The following MEF2C variants were observed in gnomAD, a reference collection of about 807,000 sequenced individuals.
MEF2C encodes the protein myocyte enhancer factor 2C, also known as myocyte-specific enhancer factor 2C.
MEF2C carries 6 observed loss-of-function variants against 50.5 expected under a neutral mutation model. The ratio of observed to expected loss-of-function variants is 0.12; its 90% CI spans 0.07 to 0.23. The LOEUF (loss-of-function observed/expected upper bound fraction) is 0.23. MEF2C is among the 10% of genes least tolerant of loss of function. The probability of loss-of-function intolerance (pLI) is 1.00; values close to 1 mark genes in which losing one functional copy is unlikely to be tolerated. For synonymous variants in MEF2C, 183 were observed against 228.0 expected (o/e 0.80, Z 1.78); for missense variants, 276 against 605.0 (o/e 0.46, Z 5.70).
rs1458846697 is a variant in MEF2C, at chr5:88,747,523, G to T, written c.637+1547C>A. Among the ~76,000 whole-genome samples the T allele has an allele frequency of 5.9e-5, 4 of 67,906 alleles. 2 individuals are homozygous for T. 44.5% of individuals were successfully genotyped at this position (67,906 alleles called of 152,430 possible). A position where few individuals can be genotyped will look rare whatever the true frequency, so the allele number is the denominator to read the frequency against. The stretch of plus-strand genomic sequence containing the variant: ...GCCACTACGCCCGGCTAATTTTTTT[G>T]TATTTTTAGTAGAGACGGGGTTTCA... On this transcript the variant is annotated intron_variant, in intron 6 of 10. Coordinates refer to ENST00000504921, the MANE Select transcript of MEF2C (RefSeq NM_002397.5).
At chr5:88,750,534 T>C (rs913718027) in intron 5 of MEF2C, among the ~76,000 whole-genome samples, 2 of 152,128 alleles carry the variant, frequency 1.3e-5, no homozygotes, top group Non-Finnish European at 2.9e-5. Flanking sequence ...CAAATGTTTA[T>C]TATTTCCAAT....
chr5:88,734,592 T>TGGA, intron 6 of MEF2C: 2 of 961,530 alleles, frequency 2.1e-6, no homozygotes, highest in Non-Finnish European at 2.5e-6. Flanking sequence ...TTTTTTTTTT[T>TGGA]TTTTTTAGCA....
intron 6 of MEF2C, chr5:88,741,363 T>C: frequency 2.0e-6 from 2 of 985,222 alleles, no homozygotes; most frequent in South Asian, 4.7e-5. Context: ...TTTACAACAA[T>C]CCGGAAAAAG....
At chr5:88,815,205 G>A (rs1020999764) in intron 2 of MEF2C, among the ~76,000 whole-genome samples, 8 of 152,088 alleles carry the variant, frequency 5.3e-5, no homozygotes, top group African/African-American at 1.9e-4. Flanking sequence ...CTAAGGGAAA[G>A]GTCAAAGGAT....
At chr5:88,764,528 G>C (rs1216046670) in intron 3 of MEF2C, among the ~76,000 whole-genome samples, 1 of 151,886 alleles carries the variant, frequency 6.6e-6, no homozygotes, top group Non-Finnish European at 1.5e-5. Context: ...AGTAGAAATT[G>C]TCCAGGCGTG....
intron 1 of MEF2C, among the ~76,000 whole-genome samples, chr5:88,835,270 C>T (rs533735720): frequency 7.7e-4 from 117 of 152,290 alleles, no homozygotes; most frequent in Non-Finnish European, 1.1e-3. Flanking sequence ...TGTAACTTGT[C>T]AGTGGGCTAG....
At chr5:88,797,858 A>G (rs949900977) in intron 3 of MEF2C, among the ~76,000 whole-genome samples, 1 of 152,148 alleles carries the variant, frequency 6.6e-6, no homozygotes, top group African/African-American at 2.4e-5. Context: ...AAAATCTCTC[A>G]GTATTCGCTT....
intron 3 of MEF2C, among the ~76,000 whole-genome samples, chr5:88,793,453 G>A (rs1794694521): frequency 6.6e-6 from 1 of 152,110 alleles, no homozygotes; most frequent in African/African-American, 2.4e-5. Context: ...GTCCTTGAGG[G>A]ACCTTGGTTA....
chr5:88,835,813 TAA>T (rs11417968), intron 1 of MEF2C, among the ~76,000 whole-genome samples: 13 of 115,304 alleles, frequency 1.1e-4, no homozygotes, highest in Non-Finnish European at 1.4e-4. Context: ...AACTCCATCT[TAA>T]AAAAAAAAAA....
intron 6 of MEF2C, chr5:88,737,199 CT>C: frequency 3.0e-6 from 3 of 985,220 alleles, no homozygotes; most frequent in Non-Finnish European, 3.6e-6. Flanking sequence ...GGTCTCTTCT[CT>C]TTATGCTACT....
intron 4 of MEF2C, 23 bp from the exon 5 acceptor site, chr5:88,752,066 A>G: frequency 6.4e-7 from 1 of 1,571,154 alleles, no homozygotes. Flanking sequence ...AAAACAAAAC[A>G]AAGGTAAAAG....
chr5:88,892,804 T>A (rs1834736321), intron 1 of MEF2C, among the ~76,000 whole-genome samples: 1 of 152,192 alleles, frequency 6.6e-6, no homozygotes, highest in Admixed American at 6.5e-5. Context: ...GACATTGATA[T>A]CTTCAGTCTC....
intron 2 of MEF2C, among the ~76,000 whole-genome samples, chr5:88,818,302 G>T (rs1353558380): frequency 6.6e-6 from 1 of 151,902 alleles, no homozygotes; most frequent in Non-Finnish European, 1.5e-5. Flanking sequence ...CCAGTTTGTT[G>T]TTGAACTTTT....
At chr5:88,898,631 A>G (rs540118863) in intron 1 of MEF2C, among the ~76,000 whole-genome samples, 38 of 152,160 alleles carry the variant, frequency 2.5e-4, no homozygotes, top group Non-Finnish European at 4.9e-4. Context: ...GGGCCTGCAC[A>G]TCTTTGCCAA....
chr5:88,861,556 T>A (rs902679338), intron 1 of MEF2C, among the ~76,000 whole-genome samples: 3 of 152,200 alleles, frequency 2.0e-5, no homozygotes, highest in African/African-American at 4.8e-5. Flanking sequence ...GAAAAAAAAA[T>A]TCATATGGAC....
At chr5:88,734,961 C>T in intron 6 of MEF2C, 1 of 985,286 alleles carries the variant, frequency 1.0e-6, no homozygotes, top group Non-Finnish European at 1.2e-6. Context: ...TAGTGAATTT[C>T]TGCTGTTTTT....
At chr5:88,840,467 A>G (rs1362129232) in intron 1 of MEF2C, among the ~76,000 whole-genome samples, 1 of 152,208 alleles carries the variant, frequency 6.6e-6, no homozygotes, top group African/African-American at 2.4e-5. Flanking sequence ...GTCCTTGAAA[A>G]GTGCTTTTGT....
chr5:88,900,861 A>G (rs1835584936), intron 1 of MEF2C, among the ~76,000 whole-genome samples: 1 of 152,024 alleles, frequency 6.6e-6, no homozygotes, highest in South Asian at 2.1e-4. Flanking sequence ...GACCTTTGGT[A>G]AATTTCATTT....
intron 3 of MEF2C, among the ~76,000 whole-genome samples, chr5:88,781,204 CATTTT>C (rs1277462633): frequency 6.6e-6 from 1 of 152,022 alleles, no homozygotes; most frequent in African/African-American, 2.4e-5. Flanking sequence ...TAAAATGTGA[CATTTT>C]ATTTAAATGT....
Sources: gnomAD v4.1 joint callset for allele counts (sites outside exome capture counted in the v4.1 genomes callset) on GRCh38, gnomAD v4.1.1 for gene constraint, MANE v1.5 for transcripts, NCBI Gene and HGNC (gene_info 2026-07-23, HGNC 2026-07-21) for gene names.